Variants in KRT75 observed in about 807,000 individuals in gnomAD.
KRT75 encodes the protein keratin, type II cytoskeletal 75.
Under a neutral mutation model 48.8 loss-of-function variants are expected in KRT75, and 35 were observed. The observed-to-expected ratio is 0.72, with a 90% CI of 0.55 to 0.95. The LOEUF (loss-of-function observed/expected upper bound fraction) is 0.95, where lower values mean the gene tolerates loss of function less well. Among genes scored for constraint, KRT75 ranks in the 40% least tolerant of loss-of-function variants. KRT75 has a pLI of 0.00. For missense variants in KRT75, 776 were observed against 709.9 expected (o/e 1.09, Z -1.06); for synonymous variants, 301 against 282.3 (o/e 1.07, Z -0.66).
chr12:52,432,981 T>A, intron 2 of KRT75, 57 bp downstream of exon 2: 1 of 1,556,000 alleles, frequency 6.4e-7, no homozygotes, highest in Non-Finnish European at 8.9e-7. Flanking sequence ...TCTCTGGTCC[T>A]CACACAAAGG....
chr12:52,430,118 T>C (rs971183095), intron 5 of KRT75, among the ~76,000 whole-genome samples: 6 of 152,218 alleles, frequency 3.9e-5, no homozygotes, highest in South Asian at 2.1e-4. Context: ...TGATTGTCCA[T>C]TCACTTCATG....
rs371899596 is a variant in KRT75 at position 52,431,556 on chromosome 12, G to A, written c.857C>T (p.Ser286Leu). Reference sequence around the variant, plus strand: ...GCAGACTCTTACTGCATCAAAGACTGAGTGGATGAAGTTGATCTCCTCGGG... The same window carrying A: ...GCAGACTCTTACTGCATCAAAGACTAAGTGGATGAAGTTGATCTCCTCGGG... ...SLPEEINFIHSVFDAELSQLQ... is the reference protein window; with the variant it reads ...SLPEEINFIHLVFDAELSQLQ... The change falls in exon 4 of 9, where the codon TCA (serine) becomes TTA (leucine). Residue 286 changes from serine (S) to leucine (L), a missense_variant. Ser to Leu is a moderately radical substitution (Grantham distance 145). Coordinates refer to ENST00000252245, the MANE Select transcript of KRT75 (RefSeq NM_004693.3). The A allele has an allele frequency of 6.4e-5, 103 of 1,610,604 alleles. No homozygotes were observed. In the South Asian group the frequency reaches 8.6e-4, roughly 13 times the overall value.
At chr12:52,425,749 G>A (rs1267602834) in intron 8 of KRT75, among the ~76,000 whole-genome samples, 2 of 152,222 alleles carry the variant, frequency 1.3e-5, no homozygotes, top group Non-Finnish European at 2.9e-5. Context: ...GATATACAGA[G>A]CAGGAGGCTG....
At position 52,428,663 on chromosome 12, in the gene KRT75, G is replaced by A. The variant is rs547954334; in HGVS notation, c.1116C>T (p.Arg372=). The change falls in exon 6 of 9, where the codon CGC becomes CGT. Residue 372 remains arginine, a synonymous_variant. Coordinates refer to ENST00000252245, the MANE Select transcript of KRT75 (RefSeq NM_004693.3). The part of the protein sequence containing the change: ...NTKQEISEMN[R]MIQRLRAEID... The stretch of plus-strand genomic sequence containing the variant: ...TCTCAGCTCTCAGCCTCTGGATCAT[G>A]CGGTTCATTTCAGAGATCTCTTGTT... 6.6e-4 allele frequency: 1,064 copies of A among 1,614,192 alleles called. 14 individuals carry two copies. In the South Asian group the frequency reaches 0.011, roughly 17 times the overall value.
rs151049643 is a variant in KRT75 at position 52,434,237 on chromosome 12, A to T, written c.68T>A (p.Ile23Asn). The T allele has an allele frequency of 1.3e-4, 206 of 1,590,554 alleles. 1 individual carries two copies. The highest frequency in any genetic ancestry group is 2.6e-5 in the Non-Finnish European group (30 of 1,168,610). ...SRRGFSTTSA[I>N]TPAAGRSRFS... Reference sequence around the variant, plus strand: ...GCGGGAGCGGCCAGCTGCCGGGGTGATGGCCGAGGTGGTGCTGAAGCCCCT... The same window carrying T: ...GCGGGAGCGGCCAGCTGCCGGGGTGTTGGCCGAGGTGGTGCTGAAGCCCCT... Residue 23 changes from isoleucine (I) to asparagine (N), a missense_variant, in exon 1 of 9, where the codon ATC becomes AAC. By Grantham distance (149) the Ile-to-Asn change is moderately radical. Transcript: ENST00000252245.
In KRT75 at chr12:52,428,382, G is replaced by A; in HGVS notation, c.1256C>T (p.Ala419Val). Reference protein sequence around the residue: ...ARAKLVDLEEALQKAKQDMAR... With the variant: ...ARAKLVDLEEVLQKAKQDMAR... ...CATGTCCTGCTTGGCCTTCTGCAGG[G>A]CCTCCTCAAGGTCCACCAGCTTGGC... The change falls in exon 7 of 9, where the codon GCC becomes GTC. Residue 419 changes from alanine to valine, a missense_variant. Coordinates refer to ENST00000252245, the MANE Select transcript of KRT75 (RefSeq NM_004693.3). 3.7e-6 allele frequency: 6 copies of A among 1,614,182 alleles called. No individual in the cohort carries two copies. The highest frequency in any genetic ancestry group is 4.2e-6 in the Non-Finnish European group (5 of 1,180,026).
intron 5 of KRT75, among the ~76,000 whole-genome samples, chr12:52,429,237 G>A (rs574079434): frequency 9.4e-4 from 143 of 152,242 alleles, no homozygotes; most frequent in African/African-American, 3.2e-3. Flanking sequence ...GTCACAGAGC[G>A]TGCATCCAGA....
In KRT75 at chr12:52,432,984, C is replaced by T; in HGVS notation, c.713+54G>A. ...CTCCTTTGCACCTCTCTGGTCCTCA[C>T]ACAAAGGAGCCTTCAGATGGCTGTG... On this transcript the variant is annotated intron_variant, in intron 2 of 8. Transcript: ENST00000252245. 5 of 1,575,696 alleles carry T rather than the reference C, an allele frequency of 3.2e-6. No individual in the cohort carries two copies. In the East Asian group the frequency reaches 6.7e-5, roughly 21 times the overall value.
In KRT75 at chr12:52,433,211, C is replaced by G. The variant is rs1476617694; in HGVS notation, c.540G>C (p.Lys180Asn). 1 of 1,614,168 alleles carries G rather than the reference C, an allele frequency of 6.2e-7. No individual in the cohort carries two copies. Among genetic ancestry groups the G allele is most frequent in the Non-Finnish European group, 8.5e-7 (1 of 1,180,032 alleles). ...LEQQNKVLET[K>N]WALLQEQGSR... The stretch of plus-strand genomic sequence containing the variant: ...AGCCCTGCTCCTGCAGGAGGGCCCA[C>G]TTGGTCTCCAGGACCTTGTTCTGCT... Residue 180 changes from lysine (K) to asparagine (N), a missense_variant, in exon 2 of 9, where the codon AAG (lysine) becomes AAC (asparagine). Transcript: ENST00000252245.
rs1458750320 is a variant in KRT75 at position 52,431,656 on chromosome 12, G to A, written c.775-18C>T. 2 of 1,575,278 alleles carry A rather than the reference G, an allele frequency of 1.3e-6. No homozygotes were observed. Among genetic ancestry groups the A allele is most frequent in the African/African-American group, 2.7e-5 (2 of 74,116 alleles). ...TCTACGTCCTGGAATGACAGCGCAG[G>A]ATGCTCCTTTGAGTCTGCAGCCCCA... is the stretch of plus-strand genomic sequence containing the variant. On this transcript the variant is annotated intron_variant, in intron 3 of 8. Transcript: ENST00000252245.
rs771661627 is a variant in KRT75 at position 52,424,521 on chromosome 12, T to G, written c.1652A>C (p.His551Pro). Residue 551 changes from histidine (H) to proline (P), a missense_variant, in exon 9 of 9, where the codon CAC (histidine) becomes CCC (proline). By Grantham distance (77) the His-to-Pro change is moderately conservative. Coordinates refer to ENST00000252245, the MANE Select transcript of KRT75 (RefSeq NM_004693.3). ...TTSSSQKSYTH is the reference protein window; with the variant it reads ...TTSSSQKSYTP ...AGAGGGAGCCATGGGGCTCTCTTAG[T>G]GCGTGTAGCTCTTCTGGCTGGAGGA... is the stretch of plus-strand genomic sequence containing the variant. The G allele has an allele frequency of 1.2e-6, 2 of 1,613,872 alleles. No homozygotes were observed. Among genetic ancestry groups the G allele is most frequent in the Non-Finnish European group, 1.7e-6 (2 of 1,179,816 alleles).
chr12:52,430,437 A>C lies in KRT75; in HGVS notation c.1035+104T>G, dbSNP rs1390631382. ...TCAAAGACATGCCTGCTAAGTTGAA[A>C]TAAACGAATGTGCTCACACGTTTCC... On this transcript the variant is annotated intron_variant, in intron 5 of 8. Coordinates refer to ENST00000252245, the MANE Select transcript of KRT75 (RefSeq NM_004693.3). 4.0e-6 allele frequency: 5 copies of C among 1,244,492 alleles called. No homozygotes were observed. The Middle Eastern group carries it at 9.4e-4, about 234-fold the overall frequency. The allele number at this position is 1,244,492 out of a possible 1,614,324, so 77.1% of individuals were successfully genotyped here. A position where few individuals can be genotyped will look rare whatever the true frequency, so the allele number is the denominator to read the frequency against.
Position 52,424,359 on chromosome 12 carries a change from AG to A in KRT75, c.*157del. The stretch of plus-strand genomic sequence containing the variant: ...GGCAGTCTGGGCACTGTCAGGAGGG[AG>A]AGGCTGGCTTAGGCCTGGGAATGGG... On this transcript the variant is annotated 3_prime_UTR_variant, in exon 9 of 9. Coordinates refer to ENST00000252245, the MANE Select transcript of KRT75 (RefSeq NM_004693.3). 1.3e-6 allele frequency: 1 copy of A among 764,652 alleles called. No homozygotes were observed. Among genetic ancestry groups the A allele is most frequent in the Non-Finnish European group, 2.4e-6 (1 of 424,198 alleles). 47.4% of individuals were successfully genotyped at this position (764,652 alleles called of 1,614,324 possible).
chr12:52,430,908 G>C (rs2121512874), intron 4 of KRT75, among the ~76,000 whole-genome samples: 1 of 152,304 alleles, frequency 6.6e-6, no homozygotes, highest in South Asian at 2.1e-4. Context: ...GCTCCCATCT[G>C]TGTGCTTTCC....
chr12:52,432,527 T>C (rs763831894), intron 2 of KRT75, among the ~76,000 whole-genome samples: 5 of 152,188 alleles, frequency 3.3e-5, no homozygotes, highest in Non-Finnish European at 7.4e-5. Context: ...AAGGGCAAGC[T>C]GGCTAATGGG....
intron 8 of KRT75, 39 bp downstream of exon 8, chr12:52,426,778 C>T (rs945926522): frequency 9.3e-6 from 15 of 1,608,434 alleles, no homozygotes; most frequent in Non-Finnish European, 1.1e-5. Flanking sequence ...CCCTCTACCA[C>T]ACACACTCCA....
intron 3 of KRT75, 109 bp downstream of exon 3, chr12:52,431,897 C>G (rs2232394): frequency 1.9e-6 from 2 of 1,047,130 alleles, no homozygotes; most frequent in East Asian, 4.8e-5. Flanking sequence ...CAGATATTCT[C>G]AAGGTTGATG....
Position 52,424,253 on chromosome 12 carries a change from C to G in KRT75, c.*264G>C. 1 of 528,546 alleles carries G rather than the reference C, an allele frequency of 1.9e-6. No individual in the cohort carries two copies. The highest frequency in any genetic ancestry group is 5.2e-4 in the Middle Eastern group (1 of 1,912). 32.7% of individuals were successfully genotyped at this position (528,546 alleles called of 1,614,324 possible). A position where few individuals can be genotyped will look rare whatever the true frequency, so the allele number is the denominator to read the frequency against. ...GCTGGAGGAGGACTTTCCAGCTGCC[C>G]GGGCCTCGCAAGATAGGCTGAATGA... On this transcript the variant is annotated 3_prime_UTR_variant, in exon 9 of 9. Transcript: ENST00000252245.
At chr12:52,429,227 G>A (rs1592163113) in intron 5 of KRT75, among the ~76,000 whole-genome samples, 3 of 152,150 alleles carry the variant, frequency 2.0e-5, no homozygotes, top group Admixed American at 2.0e-4. Flanking sequence ...GTAGTTCCTG[G>A]TCACAGAGCG....
Sources: gnomAD v4.1 joint callset for allele counts (sites outside exome capture counted in the v4.1 genomes callset) on GRCh38, gnomAD v4.1.1 for gene constraint, MANE v1.5 for transcripts, NCBI Gene and HGNC (gene_info 2026-07-23, HGNC 2026-07-21) for gene names.